Variants in COL24A1 observed in about 807,000 individuals in gnomAD.
COL24A1 encodes the protein collagen alpha-1(XXIV) chain.
Under a neutral mutation model 253.9 loss-of-function variants are expected in COL24A1, and 224 were observed. The observed-to-expected ratio is 0.88, with a 90% CI of 0.79 to 0.99. The LOEUF (loss-of-function observed/expected upper bound fraction) is 0.99, where lower values mean the gene tolerates loss of function less well. Ranked by LOEUF, COL24A1 falls within the 50% of genes least tolerant of loss-of-function variation. The probability of loss-of-function intolerance (pLI) is 0.00; values close to 1 mark genes in which losing one functional copy is unlikely to be tolerated. For missense variants in COL24A1, 2,131 were observed against 2,068.5 expected (o/e 1.03, Z -0.59); for synonymous variants, 685 against 673.7 (o/e 1.02, Z -0.26).
chr1:85,965,636 G>T lies in COL24A1; in HGVS notation c.2464-574C>A, dbSNP rs1413080262. 3.3e-5 allele frequency among the ~76,000 whole-genome samples: 5 copies of T among 152,222 alleles called. No homozygotes were observed. The East Asian group carries it at 9.7e-4, about 29-fold the overall frequency. On this transcript the variant is annotated intron_variant, in intron 22 of 59. Coordinates refer to ENST00000370571, the MANE Select transcript of COL24A1 (RefSeq NM_152890.7). ...GAGATCCCAGGATTCTGTGAAGAGT[G>T]TGACCCTTGACCCCTCAACCAACTT...
chr1:86,063,793 A>G (rs1348976219), intron 7 of COL24A1, 34 bp from the exon 8 acceptor site: 17 of 1,476,374 alleles, frequency 1.2e-5, no homozygotes, highest in Non-Finnish European at 1.5e-5. Context: ...TGCTATGAAA[A>G]GTAAACTCAT....
chr1:86,139,179 A>AC lies in COL24A1; in HGVS notation c.121+6939_121+6940insG, dbSNP rs1553148964. 1.3e-4 allele frequency among the ~76,000 whole-genome samples: 19 copies of AC among 146,358 alleles called. 2 individuals carry two copies. Among genetic ancestry groups the AC allele is most frequent in the Admixed American group, 4.8e-4 (7 of 14,586 alleles). On this transcript the variant is annotated intron_variant, in intron 2 of 59. Transcript: ENST00000370571. The stretch of plus-strand genomic sequence containing the variant: ...AAAGAAAGATGAGGGAGAAGGAGAA[A>AC]GGGGGGGGAGAGGGAGGAGAGAGAA...
At chr1:85,896,496 T>C in intron 28 of COL24A1, 87 bp from the exon 29 acceptor site, 1 of 1,202,162 alleles carries the variant, frequency 8.3e-7, no homozygotes, top group South Asian at 1.3e-5. Context: ...ATGAACATGT[T>C]GATGATTTTT....
In COL24A1 at chr1:85,832,558, G is replaced by A. The variant is rs1021509856; in HGVS notation, c.3681+6027C>T. 4.0e-5 allele frequency among the ~76,000 whole-genome samples: 6 copies of A among 150,826 alleles called. No homozygotes were observed. The Admixed American group carries it at 4.0e-4, about 10-fold the overall frequency. ...CGATATTGATTCTTCCTACCCATGA[G>A]CATGGAATGTTCTTCCATTTGTTTG... On this transcript the variant is annotated intron_variant, in intron 43 of 59. Coordinates refer to ENST00000370571, the MANE Select transcript of COL24A1 (RefSeq NM_152890.7).
chr1:86,003,377 G>A (rs1695620230), intron 19 of COL24A1, among the ~76,000 whole-genome samples: 1 of 152,100 alleles, frequency 6.6e-6, no homozygotes, highest in African/African-American at 2.4e-5. Context: ...TGGGACCGGG[G>A]GAACAAGTAA....
chr1:85,737,059 A>G (rs1015999713), intron 58 of COL24A1, among the ~76,000 whole-genome samples: 1 of 152,174 alleles, frequency 6.6e-6, no homozygotes, highest in African/African-American at 2.4e-5. Context: ...GTAACTGATT[A>G]CTGGTTACAA....
chr1:86,151,868 T>A (rs1256021805), intron 1 of COL24A1, among the ~76,000 whole-genome samples: 1 of 152,194 alleles, frequency 6.6e-6, no homozygotes, highest in Non-Finnish European at 1.5e-5. Flanking sequence ...AATAGACAAC[T>A]TTTTATGAGT....
chr1:85,761,249 C>T, intron 55 of COL24A1, 147 bp downstream of exon 55: 3 of 778,886 alleles, frequency 3.9e-6, no homozygotes, highest in Non-Finnish European at 6.2e-6. Flanking sequence ...GTTTGTGTAG[C>T]TGGGCCAGCC....
chr1:85,830,934 T>C (rs908569180), intron 43 of COL24A1, among the ~76,000 whole-genome samples: 1 of 152,150 alleles, frequency 6.6e-6, no homozygotes, highest in Non-Finnish European at 1.5e-5. Flanking sequence ...TATTTGGCAA[T>C]CTTGGCTCCT....
In COL24A1 at chr1:86,156,343, T is replaced by G; in HGVS notation, c.54A>C (p.Lys18Asn). 1 of 1,612,556 alleles carries G rather than the reference T, an allele frequency of 6.2e-7. No individual in the cohort carries two copies. The highest frequency in any genetic ancestry group is 8.5e-7 in the Non-Finnish European group (1 of 1,179,358). The change falls in exon 1 of 60, where the codon AAA (lysine) becomes AAC (asparagine). Residue 18 changes from lysine (K) to asparagine (N), a missense_variant and splice_region_variant. By Grantham distance (94) the Lys-to-Asn change is moderately conservative (BLOSUM62 0). Transcript: ENST00000370571. Reference protein sequence around the residue: ...TRRGKVSPTAKTKSLLHFIVL... With the variant: ...TRRGKVSPTANTKSLLHFIVL... ...TACCCGGCGGGTGGGCTACTTACGT[T>G]TTTGCCGTGGGGGAGACTTTTCCAC...
At chr1:85,846,723 C>T (rs1050019216) in intron 39 of COL24A1, among the ~76,000 whole-genome samples, 16 of 151,776 alleles carry the variant, frequency 1.1e-4, no homozygotes, top group African/African-American at 2.7e-4. Context: ...TTTGATGAAA[C>T]CTCTTGGGAA....
intron 53 of COL24A1, among the ~76,000 whole-genome samples, chr1:85,763,119 T>C (rs1382985766): frequency 6.6e-6 from 1 of 152,160 alleles, no homozygotes; most frequent in African/African-American, 2.4e-5. Flanking sequence ...GTCTATTCTA[T>C]ATAAAGCTGT....
At chr1:85,736,426 C>A in intron 58 of COL24A1, 1 of 456,254 alleles carries the variant, frequency 2.2e-6, no homozygotes. Context: ...ATGCCAACTT[C>A]CACTGGAATG....
At chr1:86,129,607 T>C (rs1162186221) in intron 2 of COL24A1, among the ~76,000 whole-genome samples, 1 of 151,824 alleles carries the variant, frequency 6.6e-6, no homozygotes. Flanking sequence ...ATTTTCATTT[T>C]TGTTGTTTTC....
chr1:86,019,491 G>A (rs1330691215), intron 18 of COL24A1, among the ~76,000 whole-genome samples: 1 of 151,886 alleles, frequency 6.6e-6, no homozygotes, highest in Non-Finnish European at 1.5e-5. Context: ...CCAAGAGTTG[G>A]AGACTGCAGT....
At chr1:85,841,105 C>T (rs1570869752) in intron 42 of COL24A1, 117 bp downstream of exon 42, 1 of 712,604 alleles carries the variant, frequency 1.4e-6, no homozygotes, top group Non-Finnish European at 2.3e-6. Context: ...TCCTATCAAA[C>T]CATGTTATAA....
intron 58 of COL24A1, chr1:85,736,409 T>C (rs1458716393): frequency 2.2e-6 from 1 of 456,334 alleles, no homozygotes; most frequent in Non-Finnish European, 4.4e-6. Flanking sequence ...CCTTCTATGA[T>C]AATCCTATGC....
intron 47 of COL24A1, among the ~76,000 whole-genome samples, chr1:85,797,280 T>C (rs1670933735): frequency 6.7e-6 from 1 of 148,904 alleles, no homozygotes; most frequent in Non-Finnish European, 1.5e-5. Flanking sequence ...GGGCCTGACA[T>C]GGTGCTAGGT....
chr1:85,893,268 T>C (rs1683313002), intron 31 of COL24A1, among the ~76,000 whole-genome samples: 1 of 149,732 alleles, frequency 6.7e-6, no homozygotes, highest in Admixed American at 6.8e-5. Context: ...GTAAAAAGTA[T>C]TACCAGAGAT....
Sources: allele counts gnomAD v4.1 joint callset (sites outside exome capture counted in the v4.1 genomes callset), GRCh38; gene constraint gnomAD v4.1.1; transcripts MANE v1.5; gene names NCBI Gene and HGNC (gene_info 2026-07-23, HGNC 2026-07-21).